DNAH5: variants seen among roughly 807,000 people sequenced by gnomAD.
The protein encoded by DNAH5 is axonemal beta dynein heavy chain 5.
A neutral mutation model predicts 518.2 loss-of-function variants in DNAH5; 372 were observed. The observed-to-expected ratio is 0.72, with a 90% CI of 0.66 to 0.78. DNAH5 has a LOEUF of 0.78. Ranked by LOEUF, DNAH5 falls within the 30% of genes least tolerant of loss-of-function variation. The pLI is 0.00. For missense variants in DNAH5, 5,523 were observed against 5,687.0 expected (o/e 0.97, Z 0.93); for synonymous variants, 2,039 against 2,025.9 (o/e 1.01, Z -0.17).
chr5:13,748,775 T>C (rs1749785461), intron 65 of DNAH5, among the ~76,000 whole-genome samples: 2 of 152,166 alleles, frequency 1.3e-5, no homozygotes, highest in African/African-American at 4.8e-5. Flanking sequence ...TAAGGAGATT[T>C]TGGGCTGAGA....
Position 13,922,242 on chromosome 5 carries a change from AG to A in DNAH5, c.524del (p.Ala175ValfsTer26). On this transcript the variant is annotated frameshift_variant, in exon 5 of 79. Transcript: ENST00000265104. LOFTEE classifies it high-confidence loss of function. Reference protein sequence around the residue: ...RRLLSDIFIPALRATSHGWGE... With the variant: ...RRLLSDIFIPXLRATSHGWGE... ...CCCAGCCATGGCTCGTGGCTCTGAG[AG>A]CAGGAATGAAGATGTCCGACAGCAA... is the stretch of plus-strand genomic sequence containing the variant. 6.2e-7 allele frequency: 1 copy of A among 1,614,054 alleles called. No homozygotes were observed. Among genetic ancestry groups the A allele is most frequent in the Non-Finnish European group, 8.5e-7 (1 of 1,180,000 alleles).
chr5:13,898,435 T>C (rs1774177379), intron 15 of DNAH5: 4 of 397,882 alleles, frequency 1.0e-5, no homozygotes, highest in Non-Finnish European at 1.3e-5. Flanking sequence ...TAAAAGGGAA[T>C]CTCAACATGC....
At chr5:13,766,376 T>C (rs532580894) in intron 58 of DNAH5, among the ~76,000 whole-genome samples, 197 bp from the exon 59 acceptor site, 10 of 152,300 alleles carry the variant, frequency 6.6e-5, no homozygotes, top group South Asian at 4.1e-4. Context: ...CTATTCAAAC[T>C]AGCAGTGACA....
rs374916529 is a variant in DNAH5, at chr5:13,840,131, T to C, written c.5710-603A>G. Among the ~76,000 whole-genome samples the C allele has an allele frequency of 9.3e-3, 1,414 of 152,352 alleles. 21 individuals are homozygous for C. The highest frequency in any genetic ancestry group is 0.033 in the African/African-American group (1,354 of 41,584). Reference sequence around the variant, plus strand: ...AAATCTAAAATTAGCCTGAGCCCTTTATTCCTCGGAAAGGTAAGTAGTGTG... The same window carrying C: ...AAATCTAAAATTAGCCTGAGCCCTTCATTCCTCGGAAAGGTAAGTAGTGTG... On this transcript the variant is annotated intron_variant, in intron 34 of 78. Coordinates refer to ENST00000265104, the MANE Select transcript of DNAH5 (RefSeq NM_001369.3).
intron 1 of DNAH5, among the ~76,000 whole-genome samples, chr5:13,935,591 T>G (rs1778850525): frequency 6.6e-6 from 1 of 152,230 alleles, no homozygotes. Context: ...CCACAATGTT[T>G]ATCAATCTCA....
At chr5:13,981,789 G>C (rs1782689695) in intron 1 of DNAH5, among the ~76,000 whole-genome samples, 1 of 152,180 alleles carries the variant, frequency 6.6e-6, no homozygotes, top group Non-Finnish European at 1.5e-5. Context: ...TCAAGGAGGG[G>C]AAAGAAGAGT....
intron 1 of DNAH5, among the ~76,000 whole-genome samples, chr5:14,001,061 TG>T (rs1784319228): frequency 6.6e-6 from 1 of 152,216 alleles, no homozygotes; most frequent in African/African-American, 2.4e-5. Context: ...AAATATTGCA[TG>T]TTCTCACTTA....
chr5:13,761,369 G>A (rs1179966317), intron 60 of DNAH5, among the ~76,000 whole-genome samples: 1 of 152,228 alleles, frequency 6.6e-6, no homozygotes, highest in African/African-American at 2.4e-5. Context: ...CGAGGTGGGC[G>A]GATCACGAGG....
intron 1 of DNAH5, among the ~76,000 whole-genome samples, chr5:13,989,507 G>A (rs1311247727): frequency 2.1e-5 from 3 of 140,254 alleles, no homozygotes; most frequent in South Asian, 2.3e-4. Flanking sequence ...TTTTTGAGAC[G>A]GAGTCTCACT....
At chr5:13,804,061 TC>T (rs1299567089) in intron 47 of DNAH5, among the ~76,000 whole-genome samples, 4 of 152,234 alleles carry the variant, frequency 2.6e-5, no homozygotes, top group African/African-American at 9.6e-5. Flanking sequence ...TGCTTAAATT[TC>T]TACTTCTATG....
At chr5:13,773,703 G>C (rs887061809) in intron 55 of DNAH5, among the ~76,000 whole-genome samples, 3 of 152,048 alleles carry the variant, frequency 2.0e-5, no homozygotes, top group Non-Finnish European at 4.4e-5. Context: ...AACACAATGA[G>C]GTACATAAAT....
At position 14,001,673 on chromosome 5, in the gene DNAH5, C is replaced by CT. The variant is rs546288163; in HGVS notation, c.12+9974dup. Among the ~76,000 whole-genome samples, 32 of 57,140 alleles carry CT rather than the reference C, an allele frequency of 5.6e-4. 1 individual carries two copies. Among genetic ancestry groups the CT allele is most frequent in the East Asian group, 3.0e-3 (7 of 2,318 alleles). 37.5% of individuals were successfully genotyped at this position (57,140 alleles called of 152,430 possible). On this transcript the variant is annotated intron_variant, in intron 1 of 78. Transcript: ENST00000681290. Reference sequence around the variant, plus strand: ...CCACTGTGCCCAGCCTAGTTTTTTTCTTTTCTTTTTTTTTTTTTAAGGATA... The same window carrying CT: ...CCACTGTGCCCAGCCTAGTTTTTTTCTTTTTCTTTTTTTTTTTTTAAGGATA...
intron 50 of DNAH5, among the ~76,000 whole-genome samples, chr5:13,789,631 T>A (rs1327851160): frequency 6.6e-6 from 1 of 152,224 alleles, no homozygotes; most frequent in South Asian, 2.1e-4. Context: ...GTTGCCTGAA[T>A]ATAAAAGGAG....
At chr5:13,870,302 C>A (rs1233281884) in intron 24 of DNAH5, among the ~76,000 whole-genome samples, 1 of 152,140 alleles carries the variant, frequency 6.6e-6, no homozygotes, top group African/African-American at 2.4e-5. Context: ...TGTCCCTTCC[C>A]TGGAAGATTT....
chr5:13,750,133 A>G (rs1750012784), intron 65 of DNAH5, among the ~76,000 whole-genome samples: 1 of 152,172 alleles, frequency 6.6e-6, no homozygotes, highest in African/African-American at 2.4e-5. Context: ...CAGACGGGCA[A>G]GCACCGTACA....
At chr5:13,982,880 T>C (rs1581106826) in intron 1 of DNAH5, among the ~76,000 whole-genome samples, 2 of 152,360 alleles carry the variant, frequency 1.3e-5, no homozygotes, top group East Asian at 3.9e-4. Flanking sequence ...ACAGCCTCTA[T>C]TGCTCCCCTT....
chr5:13,805,862 C>T (rs1759502278), intron 47 of DNAH5, among the ~76,000 whole-genome samples: 1 of 152,122 alleles, frequency 6.6e-6, no homozygotes, highest in South Asian at 2.1e-4. Context: ...AGGTATGGGT[C>T]TCTTGAGAAC....
At chr5:13,908,905 G>A (rs147886933) in intron 12 of DNAH5, among the ~76,000 whole-genome samples, 2 of 152,266 alleles carry the variant, frequency 1.3e-5, no homozygotes, top group East Asian at 3.9e-4. Flanking sequence ...ATTCAGAGTC[G>A]TGGGAAGGTA....
chr5:14,005,401 C>G (rs77881470), intron 1 of DNAH5, among the ~76,000 whole-genome samples: 3,449 of 152,296 alleles, frequency 0.023, 56 homozygotes, highest in South Asian at 0.045. Flanking sequence ...ACTTGTCCAT[C>G]TTTCATCTCA....
Sources: allele counts gnomAD v4.1 joint callset (sites outside exome capture counted in the v4.1 genomes callset), GRCh38; gene constraint gnomAD v4.1.1; transcripts MANE v1.5; gene names NCBI Gene and HGNC (gene_info 2026-07-23, HGNC 2026-07-21).